ARID2: variants seen among roughly 807,000 people sequenced by gnomAD.
ARID2 encodes the protein AT-rich interactive domain-containing protein 2.
Under a neutral mutation model 184.6 loss-of-function variants are expected in ARID2, and 32 were observed. The ratio of observed to expected loss-of-function variants is 0.17; its 90% CI spans 0.13 to 0.23. The LOEUF is 0.23. Among genes scored for constraint, ARID2 ranks in the 10% least tolerant of loss-of-function variants. The pLI is 1.00. For missense variants in ARID2, 1,696 were observed against 2,197.6 expected, an observed-to-expected ratio of 0.77 and a Z score of 4.56; for synonymous variants, 836 against 772.6, an observed-to-expected ratio of 1.08 and a Z score of -1.36.
At position 45,852,104 on chromosome 12, in the gene ARID2, A is replaced by G. The variant is rs776048474; in HGVS notation, c.3981A>G (p.Ser1327=). ...GCTCACTAATCAGTAATGGGCCATC[A>G]TTGGAATTAGGTGAGAATGGAGCAT... The part of the protein sequence containing the change: ...NQCSLISNGP[S]LELGENGASG... The change falls in exon 15 of 21, where the codon TCA becomes TCG. Residue 1327 remains serine (S), a synonymous_variant. Transcript: ENST00000334344. The G allele has an allele frequency of 4.0e-5, 64 of 1,614,044 alleles. No homozygotes were observed. The South Asian group carries it at 6.8e-4, about 17-fold the overall frequency.
chr12:45,851,793 C>G lies in ARID2; in HGVS notation c.3670C>G (p.Pro1224Ala). 6.2e-7 allele frequency: 1 copy of G among 1,614,124 alleles called. No homozygotes were observed. Among genetic ancestry groups the G allele is most frequent in the Non-Finnish European group, 8.5e-7 (1 of 1,180,012 alleles). The change falls in exon 15 of 21, where the codon CCT (proline) becomes GCT (alanine). Residue 1224 changes from proline to alanine, a missense_variant. Coordinates refer to ENST00000334344, the MANE Select transcript of ARID2 (RefSeq NM_152641.4). ...VQTLPATQAS[P>A]AGQSSCTTAT... ...AACGCTTCCAGCCACTCAAGCATCT[C>G]CTGCTGGACAATCATCATGTACTAC...
chr12:45,740,269 C>CT (rs923134320), intron 3 of ARID2, among the ~76,000 whole-genome samples: 6 of 151,938 alleles, frequency 3.9e-5, no homozygotes, highest in Non-Finnish European at 5.9e-5. Context: ...TTATTTTCTT[C>CT]TTTTTTTGCC....
chr12:45,765,513 G>A (rs538977014), intron 3 of ARID2, among the ~76,000 whole-genome samples: 3 of 150,146 alleles, frequency 2.0e-5, no homozygotes, highest in South Asian at 4.3e-4. Context: ...ACCTGGCCTC[G>A]GTTTTTTTTT....
chr12:45,810,368 C>A (rs1364939299), intron 3 of ARID2, among the ~76,000 whole-genome samples: 1 of 152,054 alleles, frequency 6.6e-6, no homozygotes, highest in African/African-American at 2.4e-5. Context: ...GATACACTGT[C>A]TTATAAATTG....
At chr12:45,856,304 T>A (rs1943649389) in intron 15 of ARID2, among the ~76,000 whole-genome samples, 1 of 152,142 alleles carries the variant, frequency 6.6e-6, no homozygotes, top group South Asian at 2.1e-4. Flanking sequence ...CCTGACCTCG[T>A]GATCCGCCCA....
rs372609072 is a variant in ARID2, at chr12:45,846,886, C to T, written c.1529C>T (p.Ala510Val). The T allele has an allele frequency of 8.7e-6, 14 of 1,612,924 alleles. No homozygotes were observed. The highest frequency in any genetic ancestry group is 2.7e-5 in the African/African-American group (2 of 74,860). Residue 510 changes from alanine (A) to valine (V), a missense_variant, in exon 12 of 21, where the codon GCT becomes GTT. Coordinates refer to ENST00000334344, the MANE Select transcript of ARID2 (RefSeq NM_152641.4). ...AGAGCAGTTGTAGCGCAGCATGTTG[C>T]TCCACCTCCAGGAATAGTGGAAATA... ...ASRAVVAQHV[A>V]PPPGIVEIDS... is the part of the protein sequence containing the mutation.
intron 3 of ARID2, among the ~76,000 whole-genome samples, chr12:45,762,744 A>G (rs918500275): frequency 1.3e-5 from 2 of 152,178 alleles, no homozygotes; most frequent in Non-Finnish European, 2.9e-5. Context: ...TTCAGAAACC[A>G]AAACCTATAT....
Position 45,837,176 on chromosome 12 carries a change from C to T in ARID2, c.1024-145C>T, listed in dbSNP as rs145573745. The stretch of plus-strand genomic sequence containing the variant: ...ATGGAAAAAAGTATTTGAAATGATG[C>T]TTTAAATTCAGAAATGGCTATTTTT... On this transcript the variant is annotated intron_variant, in intron 8 of 20. Coordinates refer to ENST00000334344, the MANE Select transcript of ARID2 (RefSeq NM_152641.4). The T allele has an allele frequency of 2.2e-4, 242 of 1,113,222 alleles. 1 individual carries two copies. In the African/African-American group the frequency reaches 3.5e-3, roughly 16 times the overall value. 69.0% of individuals were successfully genotyped at this position (1,113,222 alleles called of 1,614,324 possible).
chr12:45,839,390 G>T lies in ARID2; in HGVS notation c.1392G>T (p.Ala464=), dbSNP rs779304824. ...TGTTTGGCCCTGATGCACTAGCTGC[G>T]GTAAAACTCATTGAACACCCAAGTT... ...IQMFGPDALA[A]VKLIEHPSSS... Residue 464 remains alanine (A), a synonymous_variant, in exon 11 of 21, where the codon GCG becomes GCT. Coordinates refer to ENST00000334344, the MANE Select transcript of ARID2 (RefSeq NM_152641.4). The T allele has an allele frequency of 1.2e-6, 2 of 1,613,894 alleles. No homozygotes were observed. Among genetic ancestry groups the T allele is most frequent in the Non-Finnish European group, 1.7e-6 (2 of 1,179,946 alleles).
chr12:45,788,866 G>A (rs1472406916), intron 3 of ARID2, among the ~76,000 whole-genome samples: 3 of 152,206 alleles, frequency 2.0e-5, no homozygotes, highest in Non-Finnish European at 4.4e-5. Flanking sequence ...TTAAGATCAT[G>A]TGTATTAAAT....
Position 45,880,411 on chromosome 12 carries a change from T to G in ARID2, c.4923-11369T>G, listed in dbSNP as rs77032209. Among the ~76,000 whole-genome samples, 1,320 of 152,322 alleles carry G rather than the reference T, an allele frequency of 8.7e-3. 16 individuals are homozygous for G. The highest frequency in any genetic ancestry group is 0.028 in the African/African-American group (1,170 of 41,572). On this transcript the variant is annotated intron_variant, in intron 16 of 20. Coordinates refer to ENST00000334344, the MANE Select transcript of ARID2 (RefSeq NM_152641.4). ...GCCCAGGAAATCTACCCAAGTGATG[T>G]TGAGGTTCAAATCACCAGGTTCCTA...
chr12:45,850,004 T>G (rs1943513388), intron 14 of ARID2, 32 bp from the exon 15 acceptor site: 1 of 1,553,162 alleles, frequency 6.4e-7, no homozygotes, highest in South Asian at 1.2e-5. Flanking sequence ...GTCATTTCAT[T>G]TGGAATTTTG....
intron 16 of ARID2, 127 bp downstream of exon 16, chr12:45,861,076 A>C: frequency 1.3e-6 from 1 of 787,562 alleles, no homozygotes; most frequent in South Asian, 3.5e-5. Flanking sequence ...GCGAAACTAC[A>C]AGAGTTATAT....
intron 6 of ARID2, among the ~76,000 whole-genome samples, chr12:45,822,470 T>G (rs1021773418): frequency 1.3e-5 from 2 of 152,120 alleles, no homozygotes; most frequent in African/African-American, 4.8e-5. Context: ...AGCCTGGGAA[T>G]TTGAGGCTGC....
intron 16 of ARID2, among the ~76,000 whole-genome samples, chr12:45,866,686 T>G (rs1314882911): frequency 6.6e-6 from 1 of 152,228 alleles, no homozygotes; most frequent in African/African-American, 2.4e-5. Context: ...TTATTTTAAC[T>G]TTTTAAATAG....
intron 3 of ARID2, among the ~76,000 whole-genome samples, chr12:45,780,542 G>T (rs1474854662): frequency 6.6e-6 from 1 of 152,072 alleles, no homozygotes; most frequent in Non-Finnish European, 1.5e-5. Context: ...TCTGAGAAGG[G>T]AAGAAGGAAT....
Position 45,729,761 on chromosome 12 carries a change from G to A in ARID2, c.-76G>A. On this transcript the variant is annotated 5_prime_UTR_variant, in exon 1 of 21. The change creates a premature stop within an existing upstream ORF in the 5' untranslated region. Transcript: ENST00000334344. ...GGCCGAGGAATGGGCTCCGGGCTCT[G>A]GTAGGAAGCGCTGGGAGCGGGGGGC... 2.1e-6 allele frequency: 3 copies of A among 1,419,574 alleles called. No homozygotes were observed. Among genetic ancestry groups the A allele is most frequent in the Non-Finnish European group, 2.9e-6 (3 of 1,032,926 alleles). 87.9% of individuals were successfully genotyped at this position (1,419,574 alleles called of 1,614,324 possible). A position where few individuals can be genotyped will look rare whatever the true frequency, so the allele number is the denominator to read the frequency against.
intron 15 of ARID2, among the ~76,000 whole-genome samples, chr12:45,853,379 G>A (rs1011842221): frequency 1.3e-5 from 2 of 152,016 alleles, no homozygotes; most frequent in Non-Finnish European, 2.9e-5. Context: ...TTTATGTATT[G>A]CATTAGTCTC....
chr12:45,786,443 G>A (rs757959035), intron 3 of ARID2, among the ~76,000 whole-genome samples: 4 of 152,228 alleles, frequency 2.6e-5, no homozygotes, highest in Non-Finnish European at 4.4e-5. Flanking sequence ...CACTGTAAAT[G>A]TGGATGATAT....
Sources: gnomAD v4.1 joint callset for allele counts (sites outside exome capture counted in the v4.1 genomes callset) on GRCh38, gnomAD v4.1.1 for gene constraint, MANE v1.5 for transcripts, NCBI Gene and HGNC (gene_info 2026-07-23, HGNC 2026-07-21) for gene names.